RSPH10B2: variants seen among roughly 807,000 people sequenced by gnomAD.
RSPH10B2 encodes the protein radial spoke head 10 homolog B2 (Chlamydomonas).
In RSPH10B2, 9 loss-of-function variants were observed where a neutral mutation model predicts 49.0. That is an observed-to-expected ratio of 0.18 (90% CI 0.11 to 0.32). The LOEUF (loss-of-function observed/expected upper bound fraction) is 0.32, where lower values mean the gene tolerates loss of function less well. Among genes scored for constraint, RSPH10B2 ranks in the 10% least tolerant of loss-of-function variants. The probability of loss-of-function intolerance (pLI) is 1.00; values close to 1 mark genes in which losing one functional copy is unlikely to be tolerated. For missense variants in RSPH10B2, 95 were observed against 589.9 expected (o/e 0.16, Z 8.69); for synonymous variants, 35 against 210.2 (o/e 0.17, Z 7.21).
At position 6,796,641 on chromosome 7, in the gene RSPH10B2, T is replaced by G; in HGVS notation, c.2307T>G (p.Phe769Leu). Residue 769 changes from phenylalanine to leucine, a missense_variant, in exon 18 of 19, where the codon TTT (phenylalanine) becomes TTG (leucine). Coordinates refer to ENST00000297186, the Ensembl canonical transcript of RSPH10B2. ...GGGTCAATAATACGTACGTCTTCTT[T>G]GTGAACACGCTCTTTCATGCGTATA... The G allele has an allele frequency of 6.6e-6, 8 of 1,212,170 alleles. 3 individuals carry two copies. The highest frequency in any genetic ancestry group is 6.2e-5 in the South Asian group (3 of 48,380). 75.1% of individuals were successfully genotyped at this position (1,212,170 alleles called of 1,614,324 possible).
chr7:6,791,037 C>T (rs1222572012), intron 16 of RSPH10B2, among the ~76,000 whole-genome samples: 1 of 132,238 alleles, frequency 7.6e-6, no homozygotes, highest in Non-Finnish European at 1.6e-5. Flanking sequence ...CTCTGTCGCC[C>T]AGGCTGGAGT....
Position 6,793,353 on chromosome 7 carries a change from T to A in RSPH10B2, c.2233+1356T>A, listed in dbSNP as rs1255841193. ...AGGTGTGAGCCACTGCGCCTGGCCCTCCCCCTTTTCTGACGGCGTCTCTCT... is the reference window on the plus strand; with the variant it reads ...AGGTGTGAGCCACTGCGCCTGGCCCACCCCCTTTTCTGACGGCGTCTCTCT... On this transcript the variant is annotated intron_variant, in intron 17 of 18. Transcript: ENST00000297186. Among the ~76,000 whole-genome samples the A allele has an allele frequency of 1.7e-5, 2 of 116,020 alleles. 1 individual carries two copies. The highest frequency in any genetic ancestry group is 3.4e-5 in the Non-Finnish European group (2 of 58,150). 76.1% of individuals were successfully genotyped at this position (116,020 alleles called of 152,430 possible). A position where few individuals can be genotyped will look rare whatever the true frequency, so the allele number is the denominator to read the frequency against.
At chr7:6,796,584 C>G in exon 18 of RSPH10B2, 1 of 1,206,836 alleles carries the variant, frequency 8.3e-7, no homozygotes, top group Non-Finnish European at 1.1e-6. Context: ...ATGAGAGACC[C>G]AAGGATGATC....
chr7:6,792,784 T>C (rs1365797113), intron 17 of RSPH10B2, among the ~76,000 whole-genome samples: 3 of 118,590 alleles, frequency 2.5e-5, no homozygotes, highest in Non-Finnish European at 5.1e-5. Flanking sequence ...TTTCTTTTTC[T>C]TTTTTTGAGA....
intron 13 of RSPH10B2, among the ~76,000 whole-genome samples, chr7:6,783,832 A>AATT (rs1491442130): frequency 7.0e-6 from 1 of 143,100 alleles, no homozygotes; most frequent in Non-Finnish European, 1.5e-5. Flanking sequence ...TAATAATAAT[A>AATT]ATAATAATTA....
At chr7:6,793,762 T>G (rs1782443556) in intron 17 of RSPH10B2, among the ~76,000 whole-genome samples, 1 of 146,022 alleles carries the variant, frequency 6.8e-6, no homozygotes, top group African/African-American at 2.5e-5. Context: ...GAGAACTGCT[T>G]GAACCCAGGA....
At chr7:6,781,280 T>C (rs752657245) in intron 12 of RSPH10B2, 48 bp from the exon 15 acceptor site, 1 of 1,307,374 alleles carries the variant, frequency 7.6e-7, no homozygotes, top group Non-Finnish European at 1.0e-6. Flanking sequence ...GCTATTTTTT[T>C]TCTCAAAACA....
At chr7:6,767,045 G>A (rs1317847667) in intron 6 of RSPH10B2, among the ~76,000 whole-genome samples, 168 bp downstream of exon 8, 1 of 94,430 alleles carries the variant, frequency 1.1e-5, no homozygotes, top group Non-Finnish European at 2.3e-5. Context: ...GCTCACTGCA[G>A]CCTCCACCTC....
At chr7:6,756,088 G>A (rs1314131911), upstream of RSPH10B2, among the ~76,000 whole-genome samples, 2 of 150,582 alleles carry the variant, frequency 1.3e-5, no homozygotes, top group Admixed American at 1.3e-4. Flanking sequence ...CTAACCCGGT[G>A]AAACCCCGTC....
chr7:6,770,633 C>T (rs1345330181), intron 7 of RSPH10B2, among the ~76,000 whole-genome samples: 3 of 138,058 alleles, frequency 2.2e-5, no homozygotes, highest in Admixed American at 7.4e-5. Flanking sequence ...TTGTGGGGCA[C>T]GATGGCTCAC....
In RSPH10B2 at chr7:6,784,764, G is replaced by C. The variant is rs555978416; in HGVS notation, c.1759-1185G>C. Among the ~76,000 whole-genome samples, 621 of 125,062 alleles carry C rather than the reference G, an allele frequency of 5.0e-3. 62 individuals are homozygous for C. The highest frequency in any genetic ancestry group is 0.02 in the African/African-American group (588 of 30,040). 82.0% of individuals were successfully genotyped at this position (125,062 alleles called of 152,430 possible). A position where few individuals can be genotyped will look rare whatever the true frequency, so the allele number is the denominator to read the frequency against. ...TGTATTTTTAGTAGAGATGCGGTTT[G>C]TCCATGTTGGCCAGGATGGTCTGGA... On this transcript the variant is annotated intron_variant, in intron 13 of 18. Transcript: ENST00000297186.
At chr7:6,755,833 T>TGA (rs1781038084), upstream of RSPH10B2, among the ~76,000 whole-genome samples, 1 of 114,726 alleles carries the variant, frequency 8.7e-6, no homozygotes, top group South Asian at 3.1e-4. Context: ...CTCGAGAGGC[T>TGA]GAGGCAGGAG....
At chr7:6,797,866 T>TACACACACACACACACAC (rs753716997) in intron 18 of RSPH10B2, among the ~76,000 whole-genome samples, 8 of 65,726 alleles carry the variant, frequency 1.2e-4, no homozygotes, top group African/African-American at 5.2e-4. Flanking sequence ...AAAAAAAAAA[T>TACACACACACACACACAC]ACACACACAC....
At chr7:6,795,667 G>T (rs1782522485) in intron 17 of RSPH10B2, among the ~76,000 whole-genome samples, 1 of 142,822 alleles carries the variant, frequency 7.0e-6, no homozygotes, top group Non-Finnish European at 1.6e-5. Flanking sequence ...AGGCTGAGGT[G>T]GGAGGATCAT....
intron 4 of RSPH10B2, among the ~76,000 whole-genome samples, chr7:6,764,672 CTTTAATAGGCTA>C (rs1381846765): frequency 6.6e-6 from 1 of 151,750 alleles, no homozygotes; most frequent in Non-Finnish European, 1.5e-5. Context: ...CGTATGCATG[CTTTAATAGGCTA>C]TTTATTGAGT....
chr7:6,783,875 C>T (rs1186973150), intron 13 of RSPH10B2, among the ~76,000 whole-genome samples: 1 of 141,910 alleles, frequency 7.0e-6, no homozygotes, highest in East Asian at 2.0e-4. Context: ...CTTGCTCTGT[C>T]GCCCAGGCTG....
At chr7:6,752,743 C>CTT (rs1274784921), upstream of RSPH10B2, among the ~76,000 whole-genome samples, 1 of 43,334 alleles carries the variant, frequency 2.3e-5, no homozygotes, top group African/African-American at 9.3e-5. Flanking sequence ...AGTGAAGGAT[C>CTT]TTTTTTTTTT....
chr7:6,765,812 G>A lies in RSPH10B2; in HGVS notation c.659+21G>A, dbSNP rs374955704. ...AGATGGTAGGTATGACCACTGCCGCGCTTGGGGTGTAGATGAAGAAGGGTT... is the reference window on the plus strand; with the variant it reads ...AGATGGTAGGTATGACCACTGCCGCACTTGGGGTGTAGATGAAGAAGGGTT... On this transcript the variant is annotated intron_variant, in intron 5 of 18. Coordinates refer to ENST00000297186, the Ensembl canonical transcript of RSPH10B2. 4.3e-5 allele frequency: 67 copies of A among 1,570,594 alleles called. 13 individuals are homozygous for A. The South Asian group carries it at 5.6e-4, about 13-fold the overall frequency.
In RSPH10B2 at chr7:6,795,834, T is replaced by C. The variant is rs1782531355; in HGVS notation, c.2234-734T>C. Among the ~76,000 whole-genome samples the C allele has an allele frequency of 2.7e-5, 4 of 147,628 alleles. No individual in the cohort carries two copies. In the South Asian group the frequency reaches 6.4e-4, roughly 24 times the overall value. ...TTCTCAGCTATTAGGGAGGCTGAGA[T>C]GGGAGGATCACTTGAGCCCAGGAGT... On this transcript the variant is annotated intron_variant, in intron 17 of 18. Transcript: ENST00000297186.
Sources: allele counts gnomAD v4.1 joint callset (sites outside exome capture counted in the v4.1 genomes callset), GRCh38; gene constraint gnomAD v4.1.1; transcripts MANE v1.5; gene names NCBI Gene and HGNC (gene_info 2026-07-23, HGNC 2026-07-21).